Variants in CC2D2B observed in about 807,000 individuals in gnomAD.
CC2D2B encodes the protein coiled-coil and C2 domain containing 2B, also known as protein CC2D2B.
Under a neutral mutation model 161.2 loss-of-function variants are expected in CC2D2B, and 128 were observed. The ratio of observed to expected loss-of-function variants is 0.79; its 90% confidence interval spans 0.69 to 0.92. The LOEUF is 0.92. Among genes scored for constraint, CC2D2B ranks in the 40% least tolerant of loss-of-function variants. CC2D2B has a pLI of 0.00. For missense variants in CC2D2B, 1,173 were observed against 1,375.1 expected (o/e 0.85, Z 2.32); for synonymous variants, 391 against 449.8 (o/e 0.87, Z 1.65).
chr10:95,965,815 G>GTGTGTTGGCA, intron 12 of CC2D2B, 81 bp from the exon 13 acceptor site: 1 of 386,032 alleles, frequency 2.6e-6, no homozygotes, highest in Non-Finnish European at 4.4e-6. Context: ...GTGTGTGTGT[G>GTGTGTTGGCA]TGTGTGTTGG....
Position 96,019,211 on chromosome 10 carries a change from G to A in CC2D2B, c.3639G>A (p.Val1213=). The A allele has an allele frequency of 6.2e-7, 1 of 1,600,292 alleles. No homozygotes were observed. The highest frequency in any genetic ancestry group is 8.5e-7 in the Non-Finnish European group (1 of 1,175,548). The stretch of plus-strand genomic sequence containing the variant: ...TCTTTTTTCTCATACAGGGGCATGT[G>A]GCTTATGTAGTAACTCAAGAAACTA... The part of the protein sequence containing the change: ...LLGTSVLEGH[V]AYVVTQETNE... Residue 1213 remains valine (V), a synonymous_variant, in exon 31 of 35, where the codon GTG becomes GTA. Coordinates refer to ENST00000646931, the MANE Select transcript of CC2D2B (RefSeq NM_001349008.3).
At chr10:95,962,705 A>G (rs1400129370) in intron 12 of CC2D2B, among the ~76,000 whole-genome samples, 1 of 151,554 alleles carries the variant, frequency 6.6e-6, no homozygotes, top group Non-Finnish European at 1.5e-5. Context: ...AGGTTAGTAT[A>G]ATTTCAGGCA....
Position 96,031,986 on chromosome 10 carries a change from C to T in CC2D2B, c.4292C>T (p.Ala1431Val), listed in dbSNP as rs1316258669. The part of the protein sequence containing the change: ...NNILSVWVYL[A>V]SLVQHQ ...ATATTATCTGTGTGGGTCTATTTGG[C>T]TTCCTTAGTTCAACATCAATGAAAA... The change falls in exon 35 of 35, where the codon GCT becomes GTT. Residue 1431 changes from alanine to valine, a missense_variant. Physicochemically the swap from Ala to Val is moderately conservative, Grantham distance 64. Transcript: ENST00000646931. 1.2e-6 allele frequency: 2 copies of T among 1,613,176 alleles called. No individual in the cohort carries two copies. The highest frequency in any genetic ancestry group is 1.1e-5 in the South Asian group (1 of 91,002).
intron 5 of CC2D2B, among the ~76,000 whole-genome samples, chr10:95,925,365 C>A (rs1005931342): frequency 2.6e-5 from 4 of 152,172 alleles, no homozygotes; most frequent in African/African-American, 9.7e-5. Context: ...TGGATAGGAC[C>A]ATTCACACTG....
chr10:95,915,884 C>CG (rs2098515413), intron 2 of CC2D2B, among the ~76,000 whole-genome samples: 1 of 151,994 alleles, frequency 6.6e-6, no homozygotes, highest in Non-Finnish European at 1.5e-5. Flanking sequence ...GTCACTTTGT[C>CG]TGGTTTTAGT....
In CC2D2B at chr10:96,027,207, C is replaced by T. The variant is rs2141970534; in HGVS notation, c.3948-5C>T. ...CATAAAATTACCTTTGGATTCTTAC[C>T]TTAGGATCGAAAGGACTCTGAAGAG... On this transcript the variant is annotated splice_polypyrimidine_tract_variant and splice_region_variant and intron_variant, in intron 33 of 34. Transcript: ENST00000646931. 1.3e-6 allele frequency: 2 copies of T among 1,513,698 alleles called. No homozygotes were observed. The highest frequency in any genetic ancestry group is 2.5e-5 in the East Asian group (1 of 39,948). 93.8% of individuals were successfully genotyped at this position (1,513,698 alleles called of 1,614,324 possible).
chr10:95,988,111 A>T (rs2077803295), intron 19 of CC2D2B, 139 bp from the exon 20 acceptor site: 2 of 391,072 alleles, frequency 5.1e-6, no homozygotes, highest in Non-Finnish European at 4.5e-6. Context: ...AATCTAAAAG[A>T]AATGTTTTCT....
At chr10:95,930,660 A>G (rs79411459) in intron 6 of CC2D2B, among the ~76,000 whole-genome samples, 1 of 152,060 alleles carries the variant, frequency 6.6e-6, no homozygotes, top group African/African-American at 2.4e-5. Context: ...GGTTTTTGTC[A>G]TTGGTTCTGT....
At position 95,966,032 on chromosome 10, in the gene CC2D2B, T is replaced by C. The variant is rs1185453295; in HGVS notation, c.1353+34T>C. The C allele has an allele frequency of 3.6e-6, 3 of 823,372 alleles. No homozygotes were observed. In the African/African-American group the frequency reaches 5.3e-5, roughly 15 times the overall value. 51.0% of individuals were successfully genotyped at this position (823,372 alleles called of 1,614,324 possible). A position where few individuals can be genotyped will look rare whatever the true frequency, so the allele number is the denominator to read the frequency against. ...ATTGCAAAATAACATTAAACTCAAC[T>C]AGTTATAATATTTTATTTTTTGATA... On this transcript the variant is annotated intron_variant, in intron 13 of 34. Coordinates refer to ENST00000646931, the MANE Select transcript of CC2D2B (RefSeq NM_001349008.3).
intron 24 of CC2D2B, 116 bp downstream of exon 24, chr10:95,996,368 T>C (rs1193800708): frequency 1.8e-6 from 1 of 553,800 alleles, no homozygotes; most frequent in African/African-American, 1.9e-5. Context: ...GCTTTTAAAT[T>C]TTGAAATATT....
At chr10:95,917,478 CGTCT>C (rs1482835989) in intron 2 of CC2D2B, among the ~76,000 whole-genome samples, 9 of 151,876 alleles carry the variant, frequency 5.9e-5, no homozygotes, top group East Asian at 1.9e-4. Context: ...TCCATCCGTC[CGTCT>C]GTCTTCTGTT....
chr10:96,029,262 A>ATATATATG (rs1554854734), intron 34 of CC2D2B, among the ~76,000 whole-genome samples: 2 of 61,610 alleles, frequency 3.2e-5, no homozygotes, highest in South Asian at 5.5e-4. Context: ...ATATATATAT[A>ATATATATG]TATATATATA....
chr10:95,924,664 C>T (rs2098535106), intron 4 of CC2D2B, 115 bp from the exon 5 acceptor site: 3 of 706,798 alleles, frequency 4.2e-6, no homozygotes, highest in Non-Finnish European at 7.3e-6. Context: ...GTACACATAC[C>T]ACACTTTTTA....
chr10:95,972,847 G>A (rs12775584), intron 16 of CC2D2B, among the ~76,000 whole-genome samples: 23,517 of 151,976 alleles, frequency 0.15, 1,955 homozygotes, highest in Middle Eastern at 0.25. Flanking sequence ...ACAGGTGCTC[G>A]CAGACATATG....
intron 33 of CC2D2B, among the ~76,000 whole-genome samples, chr10:96,025,184 T>TAAA (rs1279667652): frequency 4.8e-5 from 1 of 20,650 alleles, no homozygotes; most frequent in South Asian, 1.1e-3. Context: ...TATATATATA[T>TAAA]AAAAAAAAAT....
At chr10:96,023,979 C>T (rs946380438) in intron 32 of CC2D2B, among the ~76,000 whole-genome samples, 17 of 152,224 alleles carry the variant, frequency 1.1e-4, no homozygotes, top group Non-Finnish European at 2.9e-5. Flanking sequence ...ATTCCACTCA[C>T]GAAGGGGGAA....
At chr10:96,011,445 TG>T (rs1025371511) in intron 26 of CC2D2B, among the ~76,000 whole-genome samples, 3 of 152,274 alleles carry the variant, frequency 2.0e-5, no homozygotes, top group African/African-American at 7.2e-5. Context: ...TGCTTATTTG[TG>T]AAATGGAGAT....
rs1430975797 is a variant in CC2D2B at position 96,032,033 on chromosome 10, A to G, written c.*25A>G. 5.7e-6 allele frequency: 9 copies of G among 1,578,504 alleles called. No individual in the cohort carries two copies. The highest frequency in any genetic ancestry group is 7.8e-6 in the Non-Finnish European group (9 of 1,152,648). On this transcript the variant is annotated 3_prime_UTR_variant, in exon 35 of 35. Transcript: ENST00000646931. ...AAAAGGAAGCAGAGCAAAGTAAAAG[A>G]TTGTACTATAGTCCTCTAGTACCAA... is the stretch of plus-strand genomic sequence containing the variant.
intron 28 of CC2D2B, 53 bp from the exon 29 acceptor site, chr10:96,013,735 T>G: frequency 9.5e-7 from 1 of 1,055,548 alleles, no homozygotes; most frequent in East Asian, 2.5e-5. Flanking sequence ...TAAAGCATTG[T>G]GCTAAGTGAT....
Sources: gnomAD v4.1 joint callset for allele counts (sites outside exome capture counted in the v4.1 genomes callset) on GRCh38, gnomAD v4.1.1 for gene constraint, MANE v1.5 for transcripts, NCBI Gene and HGNC (gene_info 2026-07-23, HGNC 2026-07-21) for gene names.